TP53BP1: variants seen among roughly 807,000 people sequenced by gnomAD.
TP53BP1 encodes the protein TP53-binding protein 1.
A neutral mutation model predicts 200.8 loss-of-function variants in TP53BP1; 61 were observed. The ratio of observed to expected loss-of-function variants is 0.30; its 90% CI spans 0.25 to 0.38. The LOEUF (loss-of-function observed/expected upper bound fraction) is 0.38. Ranked by LOEUF, TP53BP1 falls within the 10% of genes least tolerant of loss-of-function variation. TP53BP1 has a pLI of 1.00. For missense variants in TP53BP1, 2,144 were observed against 2,371.9 expected, an observed-to-expected ratio of 0.90 and a Z score of 2.00; for synonymous variants, 822 against 844.3, an observed-to-expected ratio of 0.97 and a Z score of 0.46.
At chr15:43,478,748 A>C (rs1305336900) in intron 7 of TP53BP1, among the ~76,000 whole-genome samples, 3 of 152,238 alleles carry the variant, frequency 2.0e-5, no homozygotes, top group African/African-American at 7.2e-5. Context: ...GTGCTCCTCA[A>C]GTATAGAAAC....
At chr15:43,425,032 G>A (rs1013012624) in intron 18 of TP53BP1, among the ~76,000 whole-genome samples, 1 of 152,094 alleles carries the variant, frequency 6.6e-6, no homozygotes, top group African/African-American at 2.4e-5. Context: ...GTTCTCTTTT[G>A]TAAGGCCCCT....
intron 9 of TP53BP1, among the ~76,000 whole-genome samples, chr15:43,475,032 T>C (rs2078860507): frequency 6.6e-6 from 1 of 152,170 alleles, no homozygotes; most frequent in Admixed American, 6.5e-5. Context: ...CACAAGGACA[T>C]CATGATTTAA....
At chr15:43,411,701 G>C (rs1348754399) in intron 24 of TP53BP1, among the ~76,000 whole-genome samples, 1 of 152,218 alleles carries the variant, frequency 6.6e-6, no homozygotes, top group Non-Finnish European at 1.5e-5. Flanking sequence ...CTGTCTATCA[G>C]AAACCTGAAG....
At chr15:43,499,806 G>GGA (rs1173053597) in intron 1 of TP53BP1, among the ~76,000 whole-genome samples, 4 of 152,242 alleles carry the variant, frequency 2.6e-5, no homozygotes, top group African/African-American at 9.6e-5. Flanking sequence ...TGGTGGTGGT[G>GGA]GAGAGAGAGC....
At chr15:43,472,979 C>T (rs947604467) in intron 10 of TP53BP1, among the ~76,000 whole-genome samples, 6 of 151,966 alleles carry the variant, frequency 3.9e-5, no homozygotes, top group Non-Finnish European at 7.4e-5. Flanking sequence ...CAGATGTGTT[C>T]GGAGTTTCTT....
chr15:43,489,554 G>A (rs1289396081), intron 4 of TP53BP1, among the ~76,000 whole-genome samples: 2 of 152,176 alleles, frequency 1.3e-5, no homozygotes, highest in Non-Finnish European at 2.9e-5. Context: ...AGAACACCTG[G>A]CCTCAGTGTC....
intron 4 of TP53BP1, among the ~76,000 whole-genome samples, chr15:43,489,669 A>G (rs2079093977): frequency 1.3e-5 from 2 of 152,248 alleles, no homozygotes; most frequent in African/African-American, 4.8e-5. Flanking sequence ...TGTTGCCAAC[A>G]GAAACAAGAA....
At position 43,481,019 on chromosome 15, in the gene TP53BP1, A is replaced by G. The variant is rs2078956747; in HGVS notation, c.375T>C (p.Val125=). 1.9e-6 allele frequency: 3 copies of G among 1,613,958 alleles called. No individual in the cohort carries two copies. The highest frequency in any genetic ancestry group is 3.3e-5 in the Admixed American group (2 of 60,000). Residue 125 remains valine, a synonymous_variant, in exon 5 of 28, where the codon GTT becomes GTC. Transcript: ENST00000382044. ...QLPQPNRTSS[V]LGMSVESAPA... Reference sequence around the variant, plus strand: ...GAGCAGATTCCACTGACATTCCCAGAACACTACACAGCAGAAGGATATAAT... The same window carrying G: ...GAGCAGATTCCACTGACATTCCCAGGACACTACACAGCAGAAGGATATAAT...
intron 27 of TP53BP1, 151 bp from the exon 28 acceptor site, chr15:43,407,721 C>G: frequency 1.2e-6 from 1 of 831,974 alleles, no homozygotes; most frequent in Non-Finnish European, 1.8e-6. Context: ...TGACCAAAGG[C>G]AGAGTTATAA....
chr15:43,440,344 C>A (rs972819934), intron 15 of TP53BP1, among the ~76,000 whole-genome samples: 3 of 151,554 alleles, frequency 2.0e-5, no homozygotes, highest in Non-Finnish European at 4.4e-5. Context: ...ACCCCGTCTC[C>A]ACTAAAAATA....
At chr15:43,408,681 TATATACAAATCTTCACACA>T in intron 26 of TP53BP1, 197 bp downstream of exon 26, 1 of 557,836 alleles carries the variant, frequency 1.8e-6, no homozygotes, top group Non-Finnish European at 3.2e-6. Flanking sequence ...ATATTGAACC[TATATACAAATCTTCACACA>T]TTTGCAAAAG....
At chr15:43,499,816 C>G (rs187171787) in intron 1 of TP53BP1, among the ~76,000 whole-genome samples, 1 of 152,246 alleles carries the variant, frequency 6.6e-6, no homozygotes, top group East Asian at 1.9e-4. Flanking sequence ...GGAGAGAGAG[C>G]AGTGTATAAG....
At position 43,456,708 on chromosome 15, in the gene TP53BP1, G is replaced by C. The variant is rs2046307127; in HGVS notation, c.1900C>G (p.Pro634Ala). The change falls in exon 12 of 28, where the codon CCG (proline) becomes GCG (alanine). Residue 634 changes from proline (P) to alanine (A), a missense_variant. By Grantham distance (27) the Pro-to-Ala change is conservative (BLOSUM62 -1). Coordinates refer to ENST00000382044, the MANE Select transcript of TP53BP1 (RefSeq NM_001141980.3). Reference protein sequence around the residue: ...LTCDSGSQAVPSPATRSEALS... With the variant: ...LTCDSGSQAVASPATRSEALS... ...GCCTCAGATCGAGTAGCTGGTGACGGAACTGCCTGACTCCCCGAATCACAA... is the reference window on the plus strand; with the variant it reads ...GCCTCAGATCGAGTAGCTGGTGACGCAACTGCCTGACTCCCCGAATCACAA... 6.2e-7 allele frequency: 1 copy of C among 1,613,928 alleles called. No individual in the cohort carries two copies. Among genetic ancestry groups the C allele is most frequent in the African/African-American group, 1.3e-5 (1 of 74,902 alleles).
chr15:43,505,327 A>G (rs988215211), intron 1 of TP53BP1, among the ~76,000 whole-genome samples: 1 of 152,232 alleles, frequency 6.6e-6, no homozygotes, highest in Non-Finnish European at 1.5e-5. Flanking sequence ...CCTCTTTACC[A>G]CCATCATCTC....
chr15:43,474,818 C>T (rs1475171896), intron 9 of TP53BP1, 51 bp from the exon 10 acceptor site: 1 of 1,336,244 alleles, frequency 7.5e-7, no homozygotes, highest in Middle Eastern at 1.9e-4. Flanking sequence ...CACAGTTTTG[C>T]ATTTCTGTAT....
At chr15:43,430,819 C>A (rs1425503771) in intron 17 of TP53BP1, among the ~76,000 whole-genome samples, 2 of 152,160 alleles carry the variant, frequency 1.3e-5, no homozygotes, top group Non-Finnish European at 2.9e-5. Context: ...ATACTGTTCA[C>A]AATTTCATGG....
intron 4 of TP53BP1, 79 bp downstream of exon 4, chr15:43,491,590 C>T: frequency 1.9e-6 from 2 of 1,059,036 alleles, no homozygotes; most frequent in South Asian, 2.5e-5. Flanking sequence ...TCCTTTTATC[C>T]TTGGGATGAG....
At chr15:43,455,530 G>A (rs1332372744) in intron 12 of TP53BP1, among the ~76,000 whole-genome samples, 1 of 152,046 alleles carries the variant, frequency 6.6e-6, no homozygotes, top group Non-Finnish European at 1.5e-5. Context: ...GACTAGCCTG[G>A]CTAACATGGT....
chr15:43,439,693 CACA>C (rs571054788), intron 15 of TP53BP1, among the ~76,000 whole-genome samples: 38 of 152,100 alleles, frequency 2.5e-4, no homozygotes, highest in Admixed American at 3.9e-4. Context: ...AAAATTTATT[CACA>C]ACAATATCAA....
Sources: allele counts gnomAD v4.1 joint callset (sites outside exome capture counted in the v4.1 genomes callset), GRCh38; gene constraint gnomAD v4.1.1; transcripts MANE v1.5; gene names NCBI Gene and HGNC (gene_info 2026-07-23, HGNC 2026-07-21).